KDM4C: variants seen among roughly 807,000 people sequenced by gnomAD.
The protein encoded by KDM4C is lysine-specific demethylase 4C.
KDM4C carries 81 observed loss-of-function variants against 129.3 expected under a neutral mutation model. The ratio of observed to expected loss-of-function variants is 0.63; its 90% confidence interval spans 0.52 to 0.75. The LOEUF is 0.75. Ranked by LOEUF, KDM4C falls within the 30% of genes least tolerant of loss-of-function variation. The pLI, the probability that KDM4C is intolerant of heterozygous loss-of-function variation, is 0.00. For synonymous variants in KDM4C, 573 were observed against 456.1 expected (o/e 1.26, Z -3.26); for missense variants, 1,457 against 1,304.0 (o/e 1.12, Z -1.81).
At chr9:6,867,954 T>C (rs769631378) in intron 5 of KDM4C, among the ~76,000 whole-genome samples, 1 of 152,230 alleles carries the variant, frequency 6.6e-6, no homozygotes. Context: ...CCAGAAAGAA[T>C]GTTTTCTGTG....
intron 2 of KDM4C, among the ~76,000 whole-genome samples, chr9:6,794,472 G>C (rs563815948): frequency 6.6e-6 from 1 of 152,326 alleles, no homozygotes; most frequent in Admixed American, 6.5e-5. Context: ...CAGGCTTAAA[G>C]TGGGAGAGGA....
chr9:7,113,121 G>A (rs1411069508), intron 18 of KDM4C, among the ~76,000 whole-genome samples: 1 of 152,110 alleles, frequency 6.6e-6, no homozygotes, highest in Admixed American at 6.5e-5. Flanking sequence ...AAGGGATGGA[G>A]TAATGAGAAT....
intron 1 of KDM4C, among the ~76,000 whole-genome samples, chr9:6,761,391 C>T (rs1355158953): frequency 6.7e-6 from 1 of 149,994 alleles, no homozygotes; most frequent in Non-Finnish European, 1.5e-5. Context: ...TGGAGTGCAG[C>T]AGTGACAGTC....
intron 4 of KDM4C, chr9:6,834,925 C>G: frequency 8.7e-7 from 1 of 1,154,452 alleles, no homozygotes; most frequent in Middle Eastern, 2.0e-4. Context: ...ACTCCGGTGA[C>G]GGGGTCACCC....
At chr9:6,787,703 C>G (rs935356500) in intron 1 of KDM4C, among the ~76,000 whole-genome samples, 1 of 152,256 alleles carries the variant, frequency 6.6e-6, no homozygotes. Flanking sequence ...TAAATTGCCT[C>G]CTTGTCGACC....
intron 17 of KDM4C, among the ~76,000 whole-genome samples, chr9:7,102,717 A>G (rs1352792838): frequency 2.0e-5 from 3 of 152,214 alleles, no homozygotes; most frequent in Non-Finnish European, 2.9e-5. Flanking sequence ...TTATTGTCCC[A>G]GAAAAGAAAA....
intron 8 of KDM4C, among the ~76,000 whole-genome samples, chr9:6,915,595 G>A (rs1589083523): frequency 1.3e-5 from 2 of 152,158 alleles, no homozygotes; most frequent in African/African-American, 4.8e-5. Flanking sequence ...CCTTAAGAGA[G>A]ATAACAAAAA....
chr9:7,127,967 A>T, intron 18 of KDM4C, 99 bp from the exon 19 acceptor site: 1 of 1,108,340 alleles, frequency 9.0e-7, no homozygotes, highest in Non-Finnish European at 1.2e-6. Context: ...ATCTTGGCCA[A>T]ATAAATGATT....
In KDM4C at chr9:6,738,844, C is replaced by G. The variant is rs1324608834; in HGVS notation, c.49+17847C>G. ...GAACTCCTGACCTCAGGTGATCCAC[C>G]AAAGTGCTGGGATTACAGGCATGAG... On this transcript the variant is annotated intron_variant, in intron 1 of 17. Coordinates refer to the KDM4C transcript ENST00000536108. Among the ~76,000 whole-genome samples, 37 of 151,724 alleles carry G rather than the reference C, an allele frequency of 2.4e-4. 1 individual carries two copies. The highest frequency in any genetic ancestry group is 2.4e-3 in the Admixed American group (37 of 15,192).
intron 17 of KDM4C, among the ~76,000 whole-genome samples, chr9:7,088,342 CTTG>C (rs1410703279): frequency 6.6e-6 from 1 of 152,210 alleles, no homozygotes; most frequent in Non-Finnish European, 1.5e-5. Context: ...TAATCCAGCT[CTTG>C]TTGTCTTATC....
At chr9:7,097,219 G>T (rs1035894679) in intron 17 of KDM4C, among the ~76,000 whole-genome samples, 1 of 152,208 alleles carries the variant, frequency 6.6e-6, no homozygotes, top group Non-Finnish European at 1.5e-5. Flanking sequence ...CTGGGTCCCT[G>T]TGGCTGCAGG....
chr9:7,078,235 C>T (rs1296518684), intron 17 of KDM4C, among the ~76,000 whole-genome samples: 1 of 152,038 alleles, frequency 6.6e-6, no homozygotes, highest in Admixed American at 6.6e-5. Context: ...TCTGTAGGAA[C>T]TTTTTTATAG....
chr9:7,002,199 G>T (rs1287281760), intron 12 of KDM4C, among the ~76,000 whole-genome samples: 2 of 152,194 alleles, frequency 1.3e-5, no homozygotes, highest in African/African-American at 2.4e-5. Flanking sequence ...GCCTCCCATG[G>T]GTAGTTTTGA....
At chr9:6,974,566 C>A (rs1832614908) in intron 8 of KDM4C, among the ~76,000 whole-genome samples, 1 of 152,186 alleles carries the variant, frequency 6.6e-6, no homozygotes, top group Non-Finnish European at 1.5e-5. Flanking sequence ...CCATGATGGC[C>A]AGGCTGGTCT....
Position 6,758,241 on chromosome 9 carries a change from G to C in KDM4C, c.-18+38G>C. 3 of 978,622 alleles carry C rather than the reference G, an allele frequency of 3.1e-6. No individual in the cohort carries two copies. The highest frequency in any genetic ancestry group is 3.6e-6 in the Non-Finnish European group (3 of 823,668). The allele number at this position is 978,622 out of a possible 1,614,324, so 60.6% of individuals were successfully genotyped here. On this transcript the variant is annotated intron_variant, in intron 1 of 21. Coordinates refer to ENST00000381309, the MANE Select transcript of KDM4C (RefSeq NM_015061.6). This position sits in a 1 kb window ranked among gnomAD's most constrained non-coding sequence, Gnocchi z 4.6. ...CCGGAGTCTGGGGGCCAGGGCGGGGGGAGGGTCCGGAGAGGTCTTCCCGGC... is the reference window on the plus strand; with the variant it reads ...CCGGAGTCTGGGGGCCAGGGCGGGGCGAGGGTCCGGAGAGGTCTTCCCGGC...
upstream of KDM4C, among the ~76,000 whole-genome samples, chr9:6,755,416 C>T (rs375898190): frequency 2.6e-5 from 4 of 151,592 alleles, no homozygotes; most frequent in African/African-American, 9.7e-5. Flanking sequence ...TGGCACATGC[C>T]TGTAATGCCA....
chr9:6,914,909 T>C (rs1318577259), intron 8 of KDM4C, among the ~76,000 whole-genome samples: 1 of 152,226 alleles, frequency 6.6e-6, no homozygotes, highest in Non-Finnish European at 1.5e-5. Context: ...CTATTATTTG[T>C]GAATTATCTG....
At chr9:6,922,908 A>T (rs1215446734) in intron 8 of KDM4C, among the ~76,000 whole-genome samples, 1 of 152,258 alleles carries the variant, frequency 6.6e-6, no homozygotes, top group African/African-American at 2.4e-5. Context: ...ACTGTGCGTT[A>T]GCTACAGAAA....
At chr9:7,041,342 A>C (rs1289511177) in intron 15 of KDM4C, among the ~76,000 whole-genome samples, 2 of 152,012 alleles carry the variant, frequency 1.3e-5, no homozygotes, top group Non-Finnish European at 2.9e-5. Context: ...AAGCTGTTTT[A>C]TATAAAGGAC....
Sources: gnomAD v4.1 joint callset for allele counts (sites outside exome capture counted in the v4.1 genomes callset) on GRCh38, gnomAD v4.1.1 for gene constraint, Gnocchi (gnomAD v3.1) non-coding constraint, MANE v1.5 for transcripts, NCBI Gene and HGNC (gene_info 2026-07-23, HGNC 2026-07-21) for gene names.